Variants in CDK16 observed in about 807,000 individuals in gnomAD.
The protein encoded by CDK16 is cyclin-dependent kinase 16.
In CDK16, 2 loss-of-function variants were observed where a neutral mutation model predicts 41.6. That is an observed-to-expected ratio of 0.05 (90% CI 0.02 to 0.15). CDK16 has a LOEUF of 0.15. Among genes scored for constraint, CDK16 ranks in the 10% least tolerant of loss-of-function variants. The probability of loss-of-function intolerance (pLI) is 1.00; values close to 1 mark genes in which losing one functional copy is unlikely to be tolerated. For synonymous variants in CDK16, 169 were observed against 169.7 expected (o/e 1.00, Z 0.03); for missense variants, 228 against 428.9 (o/e 0.53, Z 4.14).
chrX:47,221,447 A>AC (rs1789641504), intron 1 of CDK16, among the ~76,000 whole-genome samples: 1 of 111,330 alleles, frequency 9.0e-6, no homozygotes. Flanking sequence ...CAGATTTTAC[A>AC]CCCCATCTTC....
In CDK16 at chrX:47,229,109, G is replaced by A. The variant is rs1004939952; in HGVS notation, c.*341G>A. Reference sequence around the variant, plus strand: ...CCAGCCCCCAGGACCACTACCCCACGGCCAGCCAGGGGTCCAGAGCTAGCC... The same window carrying A: ...CCAGCCCCCAGGACCACTACCCCACAGCCAGCCAGGGGTCCAGAGCTAGCC... On this transcript the variant is annotated 3_prime_UTR_variant, in exon 16 of 16. Coordinates refer to ENST00000357227, the MANE Select transcript of CDK16 (RefSeq NM_006201.5). The A allele has an allele frequency of 8.0e-5, 28 of 349,973 alleles. No individual in the cohort carries two copies. The highest frequency in any genetic ancestry group is 1.4e-4 in the Non-Finnish European group (27 of 195,944). 28.8% of individuals were successfully genotyped at this position (349,973 alleles called of 1,213,427 possible). A position where few individuals can be genotyped will look rare whatever the true frequency, so the allele number is the denominator to read the frequency against.
chrX:47,223,507 C>G, intron 1 of CDK16, 45 bp from the exon 2 acceptor site: 1 of 1,160,679 alleles, frequency 8.6e-7, no homozygotes, highest in South Asian at 1.9e-5. Context: ...GGTGATCAAG[C>G]AAATGCTAAT....
rs1937210747 is a variant in CDK16 at position 47,219,040 on chromosome X, G to C, written c.-72G>C. The C allele has an allele frequency of 2.8e-5, 23 of 826,763 alleles. No homozygotes were observed. The highest frequency in any genetic ancestry group is 1.3e-4 in the East Asian group (1 of 7,833). 68.1% of individuals were successfully genotyped at this position (826,763 alleles called of 1,213,427 possible). Reference sequence around the variant, plus strand: ...GAAGGAGGTCGCGCGGCCTCATCCCGGGCCGCCGCCCCAGGCGCCGCCGCG... The same window carrying C: ...GAAGGAGGTCGCGCGGCCTCATCCCCGGCCGCCGCCCCAGGCGCCGCCGCG... On this transcript the variant is annotated 5_prime_UTR_variant, in exon 1 of 16. Transcript: ENST00000357227.
rs1305409068 is a variant in CDK16, at chrX:47,229,412, A to G, written c.*644A>G. Reference sequence around the variant, plus strand: ...GCCCTGCTCCCAGCCTTTCAGAGACAGGGACACAGCCCCTATTTGGAACCC... The same window carrying G: ...GCCCTGCTCCCAGCCTTTCAGAGACGGGGACACAGCCCCTATTTGGAACCC... On this transcript the variant is annotated 3_prime_UTR_variant, in exon 16 of 16. Coordinates refer to ENST00000357227, the MANE Select transcript of CDK16 (RefSeq NM_006201.5). The G allele has an allele frequency of 3.0e-6, 1 of 328,749 alleles. No individual in the cohort carries two copies. Among genetic ancestry groups the G allele is most frequent in the East Asian group, 9.8e-5 (1 of 10,186 alleles). 27.1% of individuals were successfully genotyped at this position (328,749 alleles called of 1,213,427 possible).
chrX:47,227,907 G>A (rs751171592), intron 14 of CDK16: 1 of 122,889 alleles, frequency 8.1e-6, no homozygotes, highest in African/African-American at 3.2e-5. Flanking sequence ...CCACTGTTTT[G>A]ACCTCTAACA....
chrX:47,222,949 C>T (rs1206153652), intron 1 of CDK16: 7 of 767,492 alleles, frequency 9.1e-6, no homozygotes, highest in East Asian at 6.5e-5. Flanking sequence ...CCCTGACACA[C>T]GCTCCCCTCC....
At chrX:47,228,473 C>T in intron 14 of CDK16, 94 bp from the exon 15 acceptor site, 1 of 688,553 alleles carries the variant, frequency 1.5e-6, no homozygotes, top group Non-Finnish European at 2.3e-6. Flanking sequence ...AGAGAAGGGG[C>T]AGCTTTTTCT....
intron 1 of CDK16, among the ~76,000 whole-genome samples, chrX:47,220,570 A>C (rs905135927): frequency 1.8e-5 from 2 of 109,509 alleles, no homozygotes; most frequent in Non-Finnish European, 3.8e-5. Context: ...TCCCTGCGGA[A>C]TAGGGCTGAG....
In CDK16 at chrX:47,226,071, C is replaced by T. The variant is rs202219642; in HGVS notation, c.792+44C>T. The T allele has an allele frequency of 1.0e-3, 1,180 of 1,148,434 alleles. 1 individual carries two copies. Among genetic ancestry groups the T allele is most frequent in the Non-Finnish European group, 1.3e-3 (1,118 of 851,929 alleles). The allele number at this position is 1,148,434 out of a possible 1,213,427, so 94.6% of individuals were successfully genotyped here. ...GCAGGGGCACAAGGGGGCCCCCACTCACCCACTCCAACCCACAAATCTCCC... is the reference window on the plus strand; with the variant it reads ...GCAGGGGCACAAGGGGGCCCCCACTTACCCACTCCAACCCACAAATCTCCC... On this transcript the variant is annotated intron_variant, in intron 8 of 15. Transcript: ENST00000357227.
intron 6 of CDK16, among the ~76,000 whole-genome samples, chrX:47,225,502 GAAAATCTAGTGTC>G (rs1569227198): frequency 8.9e-6 from 1 of 111,987 alleles, no homozygotes; most frequent in Non-Finnish European, 1.9e-5. Context: ...AACAGGTTGT[GAAAATCTAGTGTC>G]ACATGAGCCT....
intron 14 of CDK16, 28 bp from the exon 15 acceptor site, chrX:47,228,539 C>A: frequency 8.5e-7 from 1 of 1,178,192 alleles, no homozygotes; most frequent in South Asian, 1.8e-5. Context: ...TGGGTCATCC[C>A]CCACTTCTAT....
chrX:47,229,084 C>G lies in CDK16; in HGVS notation c.*316C>G. On this transcript the variant is annotated 3_prime_UTR_variant, in exon 16 of 16. Transcript: ENST00000357227. ...GAGGCCAGGTCTACCCCCCATCATA[C>G]CAGCCCCCAGGACCACTACCCCACG... 1 of 385,455 alleles carries G rather than the reference C, an allele frequency of 2.6e-6. No individual in the cohort carries two copies. 31.8% of individuals were successfully genotyped at this position (385,455 alleles called of 1,213,427 possible).
rs780691903 is a variant in CDK16 at position 47,229,349 on chromosome X, C to G, written c.*581C>G. 7 of 313,686 alleles carry G rather than the reference C, an allele frequency of 2.2e-5. No individual in the cohort carries two copies. Among genetic ancestry groups the G allele is most frequent in the Middle Eastern group, 4.6e-4 (1 of 2,178 alleles). 25.9% of individuals were successfully genotyped at this position (313,686 alleles called of 1,213,427 possible). A position where few individuals can be genotyped will look rare whatever the true frequency, so the allele number is the denominator to read the frequency against. On this transcript the variant is annotated 3_prime_UTR_variant, in exon 16 of 16. Coordinates refer to ENST00000357227, the MANE Select transcript of CDK16 (RefSeq NM_006201.5). ...TATACAGACTGGCTGGGCCCCACCC[C>G]CTGCGTGTGGCCCTCCCACAGTATT...
intron 13 of CDK16, 68 bp downstream of exon 13, chrX:47,227,291 C>CG: frequency 1.8e-6 from 2 of 1,115,945 alleles, no homozygotes; most frequent in Non-Finnish European, 2.5e-6. Flanking sequence ...GACCCCCCCC[C>CG]TCAAACCAGG....
intron 1 of CDK16, chrX:47,222,973 G>GGTA: frequency 1.1e-6 from 1 of 920,955 alleles, no homozygotes; most frequent in African/African-American, 2.1e-5. Context: ...CCCCCACCTG[G>GGTA]GTAGATGAAT....
At position 47,224,689 on chromosome X, in the gene CDK16, C is replaced by T; in HGVS notation, c.408C>T (p.Leu136=). 8.3e-7 allele frequency: 1 copy of T among 1,211,646 alleles called. No homozygotes were observed. Among genetic ancestry groups the T allele is most frequent in the Non-Finnish European group, 1.1e-6 (1 of 895,409 alleles). ...LPEGYLEKLT[L]NSPIFDKPLS... ...AGGGCTACCTGGAGAAGCTGACCCT[C>T]AATAGCCCCATCTTTGACAAGCCCC... Residue 136 remains leucine (L), a synonymous_variant, in exon 4 of 16, where the codon CTC becomes CTT. Transcript: ENST00000357227.
At chrX:47,226,103 G>A (rs778833690) in intron 8 of CDK16, 76 bp downstream of exon 8, 241 of 1,133,079 alleles carry the variant, frequency 2.1e-4, no homozygotes, top group Non-Finnish European at 2.8e-4. Context: ...TCCCAGAAAC[G>A]GACTTTTCCC....
At chrX:47,223,866 G>GC (rs1315282037) in intron 2 of CDK16, 107 bp downstream of exon 2, 5 of 656,397 alleles carry the variant, frequency 7.6e-6, no homozygotes, top group African/African-American at 4.5e-5. Flanking sequence ...CCCTTTCTCT[G>GC]CCCCCCATGT....
At chrX:47,223,523 A>C (rs1193662594) in intron 1 of CDK16, 29 bp from the exon 2 acceptor site, 1 of 1,185,706 alleles carries the variant, frequency 8.4e-7, no homozygotes, top group Admixed American at 2.2e-5. Context: ...CTAATAAGAG[A>C]CCCATTTCCA....
Sources: allele counts gnomAD v4.1 joint callset (sites outside exome capture counted in the v4.1 genomes callset), GRCh38; gene constraint gnomAD v4.1.1; transcripts MANE v1.5; gene names NCBI Gene and HGNC (gene_info 2026-07-23, HGNC 2026-07-21).